DOK6: variants seen among roughly 807,000 people sequenced by gnomAD.
DOK6 encodes downstream of tyrosine kinase 6.
Under a neutral mutation model 44.0 loss-of-function variants are expected in DOK6, and 22 were observed. The ratio of observed to expected loss-of-function variants is 0.50; its 90% CI spans 0.36 to 0.71. The LOEUF is 0.71. Ranked by LOEUF, DOK6 falls within the 30% of genes least tolerant of loss-of-function variation. The pLI is 0.00. For missense variants in DOK6, 340 were observed against 416.4 expected (o/e 0.82, Z 1.60); for synonymous variants, 166 against 145.5 (o/e 1.14, Z -1.01).
At position 69,757,661 on chromosome 18, in the gene DOK6, ATCTG is replaced by A. The variant is rs1979401911; in HGVS notation, c.739-92_739-89del. On this transcript the variant is annotated intron_variant, in intron 6 of 7. Transcript: ENST00000382713. The stretch of plus-strand genomic sequence containing the variant: ...CATGCAGGTATCTATAGCAGATTCT[ATCTG>A]TCACTCACATTTAACCCTGAATATT... 7.1e-6 allele frequency: 7 copies of A among 986,042 alleles called. 1 individual carries two copies. The South Asian group carries it at 9.5e-5, about 13-fold the overall frequency. The allele number at this position is 986,042 out of a possible 1,614,324, so 61.1% of individuals were successfully genotyped here. A position where few individuals can be genotyped will look rare whatever the true frequency, so the allele number is the denominator to read the frequency against.
intron 3 of DOK6, among the ~76,000 whole-genome samples, chr18:69,603,588 G>A (rs1983923464): frequency 6.6e-6 from 1 of 152,082 alleles, no homozygotes; most frequent in African/African-American, 2.4e-5. Flanking sequence ...TGGCTAGCAC[G>A]GTGAAACCCC....
chr18:69,418,256 C>T (rs1190705487), intron 1 of DOK6, among the ~76,000 whole-genome samples: 3 of 152,004 alleles, frequency 2.0e-5, no homozygotes, highest in African/African-American at 7.2e-5. Flanking sequence ...GGTCCAGTTT[C>T]ATTCTTCTGT....
At chr18:69,830,522 C>A (rs1356735147) in intron 7 of DOK6, among the ~76,000 whole-genome samples, 1 of 152,132 alleles carries the variant, frequency 6.6e-6, no homozygotes, top group African/African-American at 2.4e-5. Flanking sequence ...AAAGAGGCCT[C>A]AGAAGAAAGC....
intron 7 of DOK6, among the ~76,000 whole-genome samples, chr18:69,787,174 C>T (rs1037283911): frequency 2.0e-5 from 3 of 152,134 alleles, no homozygotes; most frequent in African/African-American, 7.2e-5. Context: ...TGAGATCACG[C>T]CACTGCATTC....
Position 69,625,617 on chromosome 18 carries a change from G to A in DOK6, c.289+26119G>A, listed in dbSNP as rs981336099. Among the ~76,000 whole-genome samples the A allele has an allele frequency of 5.3e-5, 8 of 152,312 alleles. No homozygotes were observed. The East Asian group carries it at 1.5e-3, about 29-fold the overall frequency. ...TCAAGAAGCGTTCAAGTCTTATGAA[G>A]TCTGTTTGTAAAAGCAGGTATCTTA... On this transcript the variant is annotated intron_variant, in intron 3 of 7. Coordinates refer to ENST00000382713, the MANE Select transcript of DOK6 (RefSeq NM_152721.6).
intron 1 of DOK6, among the ~76,000 whole-genome samples, chr18:69,432,702 A>G (rs377313520): frequency 6.6e-6 from 1 of 152,334 alleles, no homozygotes; most frequent in South Asian, 2.1e-4. Context: ...GTGTTACTGC[A>G]TAGGAACTTG....
Position 69,628,027 on chromosome 18 carries a change from T to C in DOK6, c.289+28529T>C, listed in dbSNP as rs182584689. On this transcript the variant is annotated intron_variant, in intron 3 of 7. Coordinates refer to ENST00000382713, the MANE Select transcript of DOK6 (RefSeq NM_152721.6). ...TTTATGCATAATGTACAAAACAATG[T>C]TCCTTAAAATGATTCCTATGGAGTC... Among the ~76,000 whole-genome samples the C allele has an allele frequency of 2.1e-3, 320 of 152,346 alleles. 3 individuals carry two copies. Among genetic ancestry groups the C allele is most frequent in the African/African-American group, 7.3e-3 (305 of 41,582 alleles).
chr18:69,599,095 T>A (rs146729082), intron 2 of DOK6, among the ~76,000 whole-genome samples: 1 of 152,322 alleles, frequency 6.6e-6, no homozygotes, highest in East Asian at 1.9e-4. Flanking sequence ...CTGCTATTAT[T>A]TGCCAGGTAT....
intron 7 of DOK6, among the ~76,000 whole-genome samples, chr18:69,771,875 T>C (rs1043809880): frequency 6.6e-6 from 1 of 151,974 alleles, no homozygotes; most frequent in Admixed American, 6.6e-5. Context: ...ATTTCAGACC[T>C]TGATGAATGT....
chr18:69,555,663 C>T (rs1201860944), intron 1 of DOK6, among the ~76,000 whole-genome samples: 1 of 152,136 alleles, frequency 6.6e-6, no homozygotes. Flanking sequence ...AGCAAGTCTT[C>T]CCATCTTGTT....
intron 4 of DOK6, among the ~76,000 whole-genome samples, chr18:69,692,467 A>G (rs1986288901): frequency 6.6e-6 from 1 of 152,240 alleles, no homozygotes; most frequent in Non-Finnish European, 1.5e-5. Context: ...ATTTAACCTA[A>G]ACAATGTCTT....
At chr18:69,418,187 G>C (rs1978390051) in intron 1 of DOK6, among the ~76,000 whole-genome samples, 1 of 151,904 alleles carries the variant, frequency 6.6e-6, no homozygotes, top group Non-Finnish European at 1.5e-5. Context: ...CACAATCTTA[G>C]GTCTTATTTA....
chr18:69,651,372 C>T (rs569190032), intron 3 of DOK6, among the ~76,000 whole-genome samples: 2 of 152,172 alleles, frequency 1.3e-5, no homozygotes, highest in Non-Finnish European at 2.9e-5. Flanking sequence ...CAAAACTTGT[C>T]CCTGCTTTCC....
intron 4 of DOK6, among the ~76,000 whole-genome samples, chr18:69,695,585 A>C (rs1986371051): frequency 1.3e-5 from 2 of 152,226 alleles, no homozygotes; most frequent in African/African-American, 4.8e-5. Context: ...GAATACACTG[A>C]TACAGTCACT....
At chr18:69,406,325 C>T (rs919069178) in intron 1 of DOK6, among the ~76,000 whole-genome samples, 1 of 152,144 alleles carries the variant, frequency 6.6e-6, no homozygotes, top group African/African-American at 2.4e-5. Context: ...CTTTTAAAAA[C>T]ATCCCTCTGT....
At chr18:69,721,718 T>C (rs4243317) in intron 5 of DOK6, among the ~76,000 whole-genome samples, 116,737 of 152,144 alleles carry the variant, frequency 0.77, 45,116 homozygotes, top group East Asian at 0.98. Context: ...AGCACTATTA[T>C]GAATTTACTT....
At chr18:69,818,275 G>T (rs758722756) in intron 7 of DOK6, among the ~76,000 whole-genome samples, 2 of 152,182 alleles carry the variant, frequency 1.3e-5, no homozygotes, top group Non-Finnish European at 2.9e-5. Flanking sequence ...ATCTCAACCA[G>T]GAGGGAGTGA....
intron 1 of DOK6, among the ~76,000 whole-genome samples, chr18:69,509,961 T>C (rs1421398067): frequency 6.6e-6 from 1 of 152,232 alleles, no homozygotes; most frequent in Non-Finnish European, 1.5e-5. Context: ...ATTTTTTTGC[T>C]GGTAATGTTC....
chr18:69,462,880 C>T (rs1024920543), intron 1 of DOK6, among the ~76,000 whole-genome samples: 1 of 152,134 alleles, frequency 6.6e-6, no homozygotes, highest in Non-Finnish European at 1.5e-5. Context: ...ATTCTTTGAG[C>T]CCAAAGAGAT....
Sources: allele counts gnomAD v4.1 joint callset (sites outside exome capture counted in the v4.1 genomes callset), GRCh38; gene constraint gnomAD v4.1.1; transcripts MANE v1.5; gene names NCBI Gene and HGNC (gene_info 2026-07-23, HGNC 2026-07-21).